VSIG10L2: variants seen among roughly 807,000 people sequenced by gnomAD.
VSIG10L2 encodes the protein V-set and immunoglobulin domain-containing protein 10-like 2.
A neutral mutation model predicts 67.1 loss-of-function variants in VSIG10L2; 56 were observed. That is an observed-to-expected ratio of 0.83 (90% CI 0.67 to 1.04). The LOEUF is 1.04. Among genes scored for constraint, VSIG10L2 ranks in the 50% least tolerant of loss-of-function variants. The pLI, the probability that VSIG10L2 is intolerant of heterozygous loss-of-function variation, is 0.00. For synonymous variants in VSIG10L2, 360 were observed against 396.6 expected (o/e 0.91, Z 1.10); for missense variants, 843 against 932.8 (o/e 0.90, Z 1.25).
chr11:125,953,107 A>G (rs2134306661), intron 6 of VSIG10L2, among the ~76,000 whole-genome samples: 1 of 152,274 alleles, frequency 6.6e-6, no homozygotes, highest in Non-Finnish European at 1.5e-5. Flanking sequence ...CCGTTCATGC[A>G]GAGACTAGTA....
chr11:125,952,157 T>G, intron 6 of VSIG10L2, 84 bp downstream of exon 6: 1 of 1,438,390 alleles, frequency 7.0e-7, no homozygotes, highest in South Asian at 1.4e-5. Context: ...TCTTAGGGGG[T>G]GGCTGTGCTG....
intron 8 of VSIG10L2, among the ~76,000 whole-genome samples, chr11:125,954,588 G>A (rs1441651696): frequency 6.6e-6 from 1 of 152,118 alleles, no homozygotes; most frequent in Non-Finnish European, 1.5e-5. Flanking sequence ...GGGGGCTTGG[G>A]AGGCTCCAGG....
At chr11:125,947,305 G>C (rs751222061) in intron 1 of VSIG10L2, 12 of 410,294 alleles carry the variant, frequency 2.9e-5, no homozygotes, top group Admixed American at 6.4e-5. Flanking sequence ...ACTGATCTTG[G>C]GGCGCTTGTT....
intron 8 of VSIG10L2, 133 bp downstream of exon 8, chr11:125,954,516 G>A (rs1292964668): frequency 2.8e-5 from 20 of 726,148 alleles, no homozygotes; most frequent in Middle Eastern, 8.9e-4. Flanking sequence ...TCCCCAGCCC[G>A]TCCTCCTCTC....
In VSIG10L2 at chr11:125,947,860, C is replaced by G; in HGVS notation, c.257C>G (p.Ala86Gly). ...VPRPVAVTDG[A>G]MSKVEAIASA... ...CGGCCTGTGGCCGTCACCGATGGAGCCATGTCCAAGGTGGAGGCCATCGCC... is the reference window on the plus strand; with the variant it reads ...CGGCCTGTGGCCGTCACCGATGGAGGCATGTCCAAGGTGGAGGCCATCGCC... The change falls in exon 2 of 12, where the codon GCC (alanine) becomes GGC (glycine). Residue 86 changes from alanine (A) to glycine (G), a missense_variant. By Grantham distance (60) the Ala-to-Gly change is moderately conservative. Around this residue, in one of 2 missense-constraint regions of VSIG10L2, gnomAD observed 446 missense variants for 548.4 expected, o/e 0.81. Transcript: ENST00000686984. The G allele has an allele frequency of 2.4e-6, 3 of 1,232,370 alleles. No individual in the cohort carries two copies. Among genetic ancestry groups the G allele is most frequent in the South Asian group, 8.2e-5 (2 of 24,326 alleles). 76.3% of individuals were successfully genotyped at this position (1,232,370 alleles called of 1,614,324 possible).
At position 125,955,599 on chromosome 11, in the gene VSIG10L2, C is replaced by T. The variant is rs1326223261; in HGVS notation, c.2232-16C>T. On this transcript the variant is annotated splice_polypyrimidine_tract_variant and intron_variant, in intron 10 of 11. Transcript: ENST00000686984. Reference sequence around the variant, plus strand: ...AGTGAGTTGCCACTAACTTTACTCTCCCACTTCACTCTCAGGGAGCAAAGG... The same window carrying T: ...AGTGAGTTGCCACTAACTTTACTCTTCCACTTCACTCTCAGGGAGCAAAGG... 2 of 1,527,106 alleles carry T rather than the reference C, an allele frequency of 1.3e-6. No homozygotes were observed. Among genetic ancestry groups the T allele is most frequent in the African/African-American group, 1.4e-5 (1 of 73,002 alleles). The allele number at this position is 1,527,106 out of a possible 1,614,324, so 94.6% of individuals were successfully genotyped here. A position where few individuals can be genotyped will look rare whatever the true frequency, so the allele number is the denominator to read the frequency against.
Position 125,948,356 on chromosome 11 carries a change from G to A in VSIG10L2, c.485G>A (p.Gly162Glu), listed in dbSNP as rs755602739. Residue 162 changes from glycine to glutamate, a missense_variant, in exon 3 of 12, where the codon GGA becomes GAA. Physicochemically the swap from Gly to Glu is moderately conservative, Grantham distance 98. This residue lies in a region of VSIG10L2 where 446 missense variants were observed against 548.4 expected (regional missense o/e 0.81). Transcript: ENST00000686984. The part of the protein sequence containing the change: ...VRLSNPSPVE[G>E]ASVVATCAVR... ...CTGAGTAACCCGTCCCCTGTGGAGG[G>A]AGCCTCCGTGGTGGCCACGTGTGCA... 1 of 1,232,432 alleles carries A rather than the reference G, an allele frequency of 8.1e-7. No homozygotes were observed. Among genetic ancestry groups the A allele is most frequent in the Non-Finnish European group, 1.0e-6 (1 of 988,184 alleles). 76.3% of individuals were successfully genotyped at this position (1,232,432 alleles called of 1,614,324 possible).
Position 125,955,673 on chromosome 11 carries a change from C to T in VSIG10L2, c.2284+6C>T. 6.5e-7 allele frequency: 1 copy of T among 1,533,384 alleles called. No homozygotes were observed. Among genetic ancestry groups the T allele is most frequent in the Non-Finnish European group, 8.7e-7 (1 of 1,145,646 alleles). 95.0% of individuals were successfully genotyped at this position (1,533,384 alleles called of 1,614,324 possible). ...AGATGCTGAGGCACCGGCAGGTAAGCACCTTATCCAGAAAAAGACGACTCG... is the reference window on the plus strand; with the variant it reads ...AGATGCTGAGGCACCGGCAGGTAAGTACCTTATCCAGAAAAAGACGACTCG... On this transcript the variant is annotated splice_donor_region_variant and intron_variant, in intron 11 of 11. Coordinates refer to ENST00000686984, the MANE Select transcript of VSIG10L2 (RefSeq NM_001365077.2).
At chr11:125,951,464 TG>T (rs895156770) in intron 5 of VSIG10L2, among the ~76,000 whole-genome samples, 1 of 152,226 alleles carries the variant, frequency 6.6e-6, no homozygotes, top group Non-Finnish European at 1.5e-5. Context: ...TGACGCATGT[TG>T]GGCTTGAAAC....
At chr11:125,951,459 C>G (rs1043203669) in intron 5 of VSIG10L2, among the ~76,000 whole-genome samples, 2 of 152,224 alleles carry the variant, frequency 1.3e-5, no homozygotes, top group African/African-American at 2.4e-5. Flanking sequence ...CGCTCTGACG[C>G]ATGTTGGGCT....
rs777286428 is a variant in VSIG10L2 at position 125,951,942 on chromosome 11, C to T, written c.1364C>T (p.Pro455Leu). 5.2e-6 allele frequency: 8 copies of T among 1,536,100 alleles called. No individual in the cohort carries two copies. The South Asian group carries it at 9.5e-5, about 18-fold the overall frequency. ...GGCTGGCTTGACGAACAGCAGCAGC[C>T]CCTGGGCGGCAGCAGCTCCTCGATG... ...TLGWLDEQQQ[P>L]LGGSSSSMAV... The change falls in exon 6 of 12, where the codon CCC becomes CTC. Residue 455 changes from proline (P) to leucine (L), a missense_variant. Pro to Leu is a moderately conservative substitution (Grantham distance 98). This residue lies in a region of VSIG10L2 where 446 missense variants were observed against 548.4 expected (regional missense o/e 0.81). Coordinates refer to ENST00000686984, the MANE Select transcript of VSIG10L2 (RefSeq NM_001365077.2).
chr11:125,948,219 C>T, intron 2 of VSIG10L2, 86 bp from the exon 3 acceptor site: 1 of 1,231,878 alleles, frequency 8.1e-7, no homozygotes, highest in Non-Finnish European at 1.0e-6. Context: ...GGTGAGTCCC[C>T]AGCCAGCAGG....
In VSIG10L2 at chr11:125,946,574, G is replaced by A. The variant is rs1945305461; in HGVS notation, c.82+437G>A. On this transcript the variant is annotated intron_variant, in intron 1 of 11. Transcript: ENST00000686984. The surrounding 1 kb of genome is among the most constrained non-coding windows in gnomAD (Gnocchi z 4.4). ...TTTTTTTTTGAGATGGAGTCTTGCTGTCACCCAGGCTGGAGTGCAGTGGTG... is the reference window on the plus strand; with the variant it reads ...TTTTTTTTTGAGATGGAGTCTTGCTATCACCCAGGCTGGAGTGCAGTGGTG... Among the ~76,000 whole-genome samples, 1 of 144,534 alleles carries A rather than the reference G, an allele frequency of 6.9e-6. No homozygotes were observed. Among genetic ancestry groups the A allele is most frequent in the African/African-American group, 2.5e-5 (1 of 39,884 alleles). The allele number at this position is 144,534 out of a possible 152,430, so 94.8% of individuals were successfully genotyped here.
At position 125,950,156 on chromosome 11, in the gene VSIG10L2, C is replaced by T; in HGVS notation, c.852C>T (p.His284=). The T allele has an allele frequency of 8.1e-7, 1 of 1,232,322 alleles. No homozygotes were observed. Among genetic ancestry groups the T allele is most frequent in the Non-Finnish European group, 1.0e-6 (1 of 988,076 alleles). The allele number at this position is 1,232,322 out of a possible 1,614,324, so 76.3% of individuals were successfully genotyped here. Residue 284 remains histidine (H), a synonymous_variant, in exon 4 of 12, where the codon CAC becomes CAT. Coordinates refer to ENST00000686984, the MANE Select transcript of VSIG10L2 (RefSeq NM_001365077.2). ...GTCACTATGTGTGGCTCCGTGACCA[C>T]ACGCAAGTCCACACGGGGCCTACCT... ...PPSHYVWLRD[H]TQVHTGPTYV...
chr11:125,952,522 A>G (rs1041601042), intron 6 of VSIG10L2, among the ~76,000 whole-genome samples: 16 of 152,260 alleles, frequency 1.1e-4, no homozygotes, highest in Non-Finnish European at 2.4e-4. Context: ...CCACATTTCA[A>G]GTTCCCATAT....
rs1345749178 is a variant in VSIG10L2 at position 125,946,586 on chromosome 11, G to A, written c.82+449G>A. ...ATGGAGTCTTGCTGTCACCCAGGCT[G>A]GAGTGCAGTGGTGTGATCTCGGCTC... On this transcript the variant is annotated intron_variant, in intron 1 of 11. Coordinates refer to ENST00000686984, the MANE Select transcript of VSIG10L2 (RefSeq NM_001365077.2). This position sits in a 1 kb window ranked among gnomAD's most constrained non-coding sequence, Gnocchi z 4.4. 6.7e-6 allele frequency among the ~76,000 whole-genome samples: 1 copy of A among 148,444 alleles called. No homozygotes were observed. Among genetic ancestry groups the A allele is most frequent in the African/African-American group, 2.5e-5 (1 of 40,764 alleles).
chr11:125,955,205 C>T, intron 9 of VSIG10L2, 26 bp downstream of exon 9: 5 of 1,256,368 alleles, frequency 4.0e-6, no homozygotes, highest in Non-Finnish European at 5.0e-6. Context: ...AAGGGACGGG[C>T]TGCTTGACCC....
chr11:125,954,467 T>G (rs1945423045), intron 8 of VSIG10L2, 84 bp downstream of exon 8: 1 of 1,125,876 alleles, frequency 8.9e-7, no homozygotes, highest in African/African-American at 1.6e-5. Flanking sequence ...GGGCATCCCC[T>G]CCTCTCTTCC....
chr11:125,953,785 T>C (rs1376771397), intron 7 of VSIG10L2, 95 bp downstream of exon 7: 3 of 1,186,224 alleles, frequency 2.5e-6, no homozygotes, highest in Non-Finnish European at 3.2e-6. Context: ...AAGGATTCCC[T>C]GCTCCAAAAT....
Sources: gnomAD v4.1 joint callset for allele counts (sites outside exome capture counted in the v4.1 genomes callset) on GRCh38, gnomAD v4.1.1 for gene constraint, gnomAD v4.1.1 regional missense constraint, Gnocchi (gnomAD v3.1) non-coding constraint, MANE v1.5 for transcripts, NCBI Gene and HGNC (gene_info 2026-07-23, HGNC 2026-07-21) for gene names.